WASF2: variants seen among roughly 807,000 people sequenced by gnomAD.
The protein encoded by WASF2 is actin-binding protein WASF2.
A neutral mutation model predicts 45.0 loss-of-function variants in WASF2; 14 were observed. That is an observed-to-expected ratio of 0.31 (90% CI 0.21 to 0.49). The LOEUF is 0.49. WASF2 is among the 20% of genes least tolerant of loss of function. The pLI, the probability that WASF2 is intolerant of heterozygous loss-of-function variation, is 0.99. For missense variants in WASF2, 439 were observed against 636.1 expected, an observed-to-expected ratio of 0.69 and a Z score of 3.33; for synonymous variants, 200 against 236.3, an observed-to-expected ratio of 0.85 and a Z score of 1.41.
intron 1 of WASF2, among the ~76,000 whole-genome samples, chr1:27,488,932 T>TA (rs1481783735): frequency 5.3e-5 from 8 of 152,066 alleles, no homozygotes; most frequent in South Asian, 2.1e-4. Context: ...AGAGTCACTG[T>TA]AAAAAAATAA....
At chr1:27,428,983 C>T (rs955679288) in intron 1 of WASF2, 50 bp from the exon 2 acceptor site, 2 of 1,310,656 alleles carry the variant, frequency 1.5e-6, no homozygotes, top group African/African-American at 1.5e-5. Context: ...ATTCCAGGCA[C>T]ACTAGGGCTG....
chr1:27,453,489 G>C (rs535132384), intron 1 of WASF2, among the ~76,000 whole-genome samples: 1 of 151,752 alleles, frequency 6.6e-6, no homozygotes, highest in Non-Finnish European at 1.5e-5. Flanking sequence ...CTACTCAGGA[G>C]GCTGAAGCAG....
chr1:27,487,619 TATTTTATACAA>T lies in WASF2; in HGVS notation c.-44+2356_-44+2366del, dbSNP rs1356679041. 1.7e-4 allele frequency among the ~76,000 whole-genome samples: 16 copies of T among 95,772 alleles called. 1 individual carries two copies. The highest frequency in any genetic ancestry group is 9.5e-4 in the Admixed American group (6 of 6,296). 62.8% of individuals were successfully genotyped at this position (95,772 alleles called of 152,430 possible). On this transcript the variant is annotated intron_variant, in intron 1 of 8. Transcript: ENST00000618852. ...TATAATATATAATATATATTATATATATTTTATACAATATATAATATATATTATATATTATA... is the reference window on the plus strand; with the variant it reads ...TATAATATATAATATATATTATATATTATATAATATATATTATATATTATA...
rs114940694 is a variant in WASF2, at chr1:27,477,435, T to C, written c.-44+12551A>G. 6.6e-3 allele frequency among the ~76,000 whole-genome samples: 999 copies of C among 152,032 alleles called. 12 individuals are homozygous for C. Among genetic ancestry groups the C allele is most frequent in the African/African-American group, 0.023 (935 of 41,486 alleles). On this transcript the variant is annotated intron_variant, in intron 1 of 8. Coordinates refer to ENST00000618852, the MANE Select transcript of WASF2 (RefSeq NM_006990.5). ...CATGCCTACAATCCCAGCTACTCGA[T>C]AGGCTGAGGCAGAAGAATCACTTGA...
Position 27,408,044 on chromosome 1 carries a change from T to A in WASF2, c.*145A>T. 1 of 937,100 alleles carries A rather than the reference T, an allele frequency of 1.1e-6. No individual in the cohort carries two copies. Among genetic ancestry groups the A allele is most frequent in the Non-Finnish European group, 1.6e-6 (1 of 642,732 alleles). 58.0% of individuals were successfully genotyped at this position (937,100 alleles called of 1,614,324 possible). Reference sequence around the variant, plus strand: ...TTGACTTGGAGGAAGCACTTGGATATATCTTTGGTTGCTTCAGGGAAAGCT... The same window carrying A: ...TTGACTTGGAGGAAGCACTTGGATAAATCTTTGGTTGCTTCAGGGAAAGCT... On this transcript the variant is annotated 3_prime_UTR_variant, in exon 9 of 9. Coordinates refer to ENST00000618852, the MANE Select transcript of WASF2 (RefSeq NM_006990.5).
chr1:27,479,605 C>T (rs2017818561), intron 1 of WASF2, among the ~76,000 whole-genome samples: 1 of 152,218 alleles, frequency 6.6e-6, no homozygotes, highest in African/African-American at 2.4e-5. Flanking sequence ...TGGCTCACGC[C>T]TGTAATCCCA....
chr1:27,426,117 G>C (rs1263369755), intron 2 of WASF2, among the ~76,000 whole-genome samples: 1 of 152,338 alleles, frequency 6.6e-6, no homozygotes, highest in East Asian at 1.9e-4. Flanking sequence ...TGAATGCTAG[G>C]CCAAGGAACT....
At position 27,427,222 on chromosome 1, in the gene WASF2, C is replaced by A. The variant is rs191478429; in HGVS notation, c.130+1539G>T. On this transcript the variant is annotated intron_variant, in intron 2 of 8. Transcript: ENST00000618852. ...CATAAGGTGACTTTGGCCCTCAGAT[C>A]AGCTTCCCCAAGATAGGAGTGGTCT... Among the ~76,000 whole-genome samples, 5 of 152,292 alleles carry A rather than the reference C, an allele frequency of 3.3e-5. No individual in the cohort carries two copies. In the East Asian group the frequency reaches 9.6e-4, roughly 29 times the overall value.
chr1:27,409,846 A>G lies in WASF2; in HGVS notation c.1185T>C (p.Pro395=). ...QPTGGAPPPP[P]PPPPPGPPPP... The stretch of plus-strand genomic sequence containing the variant: ...GAGGGGGCCCCGGAGGAGGAGGAGG[A>G]GGGGGAGGAGGAGGTGCTCCTCCTG... Residue 395 remains proline (P), a synonymous_variant, in exon 8 of 9, where the codon CCT becomes CCC. Coordinates refer to ENST00000618852, the MANE Select transcript of WASF2 (RefSeq NM_006990.5). 7 of 1,539,946 alleles carry G rather than the reference A, an allele frequency of 4.5e-6. No homozygotes were observed. Among genetic ancestry groups the G allele is most frequent in the Non-Finnish European group, 6.1e-6 (7 of 1,140,252 alleles).
chr1:27,486,146 T>A (rs546381255), intron 1 of WASF2, among the ~76,000 whole-genome samples: 6 of 136,330 alleles, frequency 4.4e-5, no homozygotes, highest in African/African-American at 7.0e-5. Flanking sequence ...CTAATGACAG[T>A]ACAGTATTTA....
chr1:27,416,190 T>C (rs763642039), intron 4 of WASF2, 88 bp from the exon 5 acceptor site: 9 of 1,090,540 alleles, frequency 8.3e-6, no homozygotes, highest in Non-Finnish European at 1.3e-5. Flanking sequence ...CAGTTAGCAG[T>C]TTTTACACCA....
At chr1:27,473,372 C>T (rs1433825841) in intron 1 of WASF2, among the ~76,000 whole-genome samples, 5 of 145,642 alleles carry the variant, frequency 3.4e-5, no homozygotes, top group Non-Finnish European at 3.0e-5. Context: ...CCCAGCTACT[C>T]GGGAGGCTGA....
chr1:27,418,521 G>T, intron 3 of WASF2, 99 bp from the exon 4 acceptor site: 1 of 1,517,370 alleles, frequency 6.6e-7, no homozygotes, highest in Middle Eastern at 1.7e-4. Context: ...GCACTTCTTG[G>T]CTGTGGCTGT....
chr1:27,474,849 G>A (rs907106943), intron 1 of WASF2, among the ~76,000 whole-genome samples: 1 of 152,128 alleles, frequency 6.6e-6, no homozygotes, highest in Non-Finnish European at 1.5e-5. Context: ...GTACCCAAGA[G>A]GCTGAGGTGG....
Position 27,412,678 on chromosome 1 carries a change from T to C in WASF2, c.718A>G (p.Asn240Asp). ...YQNGSIGCVE[N>D]VDASSYPPPP... ...GGCGGATAGCTACTTGCATCCACGT[T>C]TTCAACACAGCCAATGCTGCCATTC... The change falls in exon 7 of 9, where the codon AAC (asparagine) becomes GAC (aspartate). Residue 240 changes from asparagine to aspartate, a missense_variant. Transcript: ENST00000618852. 6.2e-7 allele frequency: 1 copy of C among 1,614,214 alleles called. No homozygotes were observed. Among genetic ancestry groups the C allele is most frequent in the Admixed American group, 1.7e-5 (1 of 60,026 alleles).
chr1:27,487,460 T>A (rs1426835613), intron 1 of WASF2, among the ~76,000 whole-genome samples: 1 of 117,500 alleles, frequency 8.5e-6, no homozygotes, highest in Non-Finnish European at 1.7e-5. Context: ...AATATATATT[T>A]ATATAAATAT....
intron 2 of WASF2, 138 bp downstream of exon 2, chr1:27,428,623 G>A (rs1215222214): frequency 7.8e-7 from 1 of 1,274,838 alleles, no homozygotes. Flanking sequence ...TCTCTTTGGG[G>A]AGGAGAGGGA....
chr1:27,435,758 C>T (rs965850428), intron 1 of WASF2, among the ~76,000 whole-genome samples: 4 of 152,268 alleles, frequency 2.6e-5, no homozygotes, highest in South Asian at 2.1e-4. Flanking sequence ...CCTGTTATTA[C>T]CAGAAGACAG....
intron 1 of WASF2, among the ~76,000 whole-genome samples, chr1:27,480,886 G>A (rs1180671907): frequency 6.6e-6 from 1 of 151,790 alleles, no homozygotes; most frequent in South Asian, 2.1e-4. Flanking sequence ...GCAGGCGCCT[G>A]TAGTCCCAGC....
Sources: allele counts gnomAD v4.1 joint callset (sites outside exome capture counted in the v4.1 genomes callset), GRCh38; gene constraint gnomAD v4.1.1; transcripts MANE v1.5; gene names NCBI Gene and HGNC (gene_info 2026-07-23, HGNC 2026-07-21).